The following HIP1 variants were observed in gnomAD, a reference collection of about 807,000 sequenced individuals.
The protein encoded by HIP1 is huntingtin interacting protein 1.
A neutral mutation model predicts 147.6 loss-of-function variants in HIP1; 65 were observed. The observed-to-expected ratio is 0.44, with a 90% CI of 0.36 to 0.54. The LOEUF is 0.54. HIP1 is among the 20% of genes least tolerant of loss of function. The pLI is 0.00. For synonymous variants in HIP1, 479 were observed against 504.0 expected, an observed-to-expected ratio of 0.95 and a Z score of 0.67; for missense variants, 1,061 against 1,299.6, an observed-to-expected ratio of 0.82 and a Z score of 2.82.
At chr7:75,647,230 A>AT in intron 1 of HIP1, among the ~76,000 whole-genome samples, 1 of 145,096 alleles carries the variant, frequency 6.9e-6, no homozygotes, top group South Asian at 2.2e-4. Flanking sequence ...AAAAAAAAAA[A>AT]AAAAAAAAAA....
At chr7:75,554,261 T>C in intron 20 of HIP1, 41 bp from the exon 21 acceptor site, 1 of 1,531,276 alleles carries the variant, frequency 6.5e-7, no homozygotes. Flanking sequence ...GTCTGGTTGA[T>C]GGTGACACTT....
At chr7:75,726,615 T>C (rs782196340) in intron 1 of HIP1, among the ~76,000 whole-genome samples, 2 of 151,882 alleles carry the variant, frequency 1.3e-5, no homozygotes, top group African/African-American at 2.4e-5. Flanking sequence ...TCCTTGCCAA[T>C]GCTTGGCACT....
chr7:75,669,534 C>A (rs1799673833), intron 1 of HIP1, among the ~76,000 whole-genome samples: 1 of 151,942 alleles, frequency 6.6e-6, no homozygotes, highest in Admixed American at 6.6e-5. Context: ...TGCACTCCTG[C>A]CTGGGTGATA....
At chr7:75,590,897 T>C (rs1309131635) in intron 4 of HIP1, among the ~76,000 whole-genome samples, 2 of 152,186 alleles carry the variant, frequency 1.3e-5, no homozygotes, top group Non-Finnish European at 2.9e-5. Context: ...TTTCCTCACC[T>C]ATGATAGGTA....
chr7:75,547,172 A>C, intron 24 of HIP1, 140 bp from the exon 25 acceptor site: 1 of 681,550 alleles, frequency 1.5e-6, no homozygotes, highest in Non-Finnish European at 2.6e-6. Flanking sequence ...TTGCTGGAAC[A>C]TTCTGCGGGG....
chr7:75,738,745 C>T, intron 1 of HIP1, 56 bp downstream of exon 1: 1 of 1,568,936 alleles, frequency 6.4e-7, no homozygotes, highest in Non-Finnish European at 8.6e-7. Context: ...AAGCCCCTCC[C>T]GGACACCGCG....
rs144817787 is a variant in HIP1, at chr7:75,697,824, C to G, written c.120+40977G>C. Among the ~76,000 whole-genome samples the G allele has an allele frequency of 7.5e-3, 1,147 of 152,180 alleles. 17 individuals are homozygous for G. Among genetic ancestry groups the G allele is most frequent in the African/African-American group, 0.026 (1,097 of 41,528 alleles). On this transcript the variant is annotated intron_variant, in intron 1 of 30. Coordinates refer to ENST00000336926, the MANE Select transcript of HIP1 (RefSeq NM_005338.7). Reference sequence around the variant, plus strand: ...GAGACTCCGTCTCAAAAACAAAAAACAAAAAAGTTTCAAAAAGAATCCTAT... The same window carrying G: ...GAGACTCCGTCTCAAAAACAAAAAAGAAAAAAGTTTCAAAAAGAATCCTAT...
At position 75,538,123 on chromosome 7, in the gene HIP1, G is replaced by A. The variant is rs781936563; in HGVS notation, c.*49C>T. The A allele has an allele frequency of 1.4e-5, 20 of 1,476,218 alleles. No homozygotes were observed. The highest frequency in any genetic ancestry group is 1.7e-4 in the Middle Eastern group (1 of 5,840). The allele number at this position is 1,476,218 out of a possible 1,614,324, so 91.4% of individuals were successfully genotyped here. On this transcript the variant is annotated 3_prime_UTR_variant, in exon 31 of 31. Transcript: ENST00000336926. ...CTGTGGCTGGGGAAATAACACACAC[G>A]AGATAGGTAACAAGGATTTACACTG...
At chr7:75,611,615 G>A in intron 1 of HIP1, 1 of 976,590 alleles carries the variant, frequency 1.0e-6, no homozygotes, top group Non-Finnish European at 1.2e-6. Flanking sequence ...GCCAATGCCT[G>A]GGGGCCCCTC....
chr7:75,658,550 G>T (rs1292766563), intron 1 of HIP1, among the ~76,000 whole-genome samples: 1 of 152,134 alleles, frequency 6.6e-6, no homozygotes, highest in Non-Finnish European at 1.5e-5. Flanking sequence ...AGGCACAGAG[G>T]TCGCTGGGTT....
At chr7:75,581,383 CCA>C (rs1392936902) in intron 6 of HIP1, 85 bp from the exon 7 acceptor site, 3 of 947,066 alleles carry the variant, frequency 3.2e-6, no homozygotes, top group African/African-American at 3.2e-5. Context: ...CTACGCTACT[CCA>C]GTCTCCAATG....
chr7:75,701,897 G>C (rs1255047232), intron 1 of HIP1, among the ~76,000 whole-genome samples: 1 of 151,856 alleles, frequency 6.6e-6, no homozygotes, highest in East Asian at 1.9e-4. Flanking sequence ...ACTCTGCCAG[G>C]TATGGCTGTC....
intron 1 of HIP1, among the ~76,000 whole-genome samples, chr7:75,734,458 A>G (rs1801950501): frequency 6.6e-6 from 1 of 152,004 alleles, no homozygotes; most frequent in African/African-American, 2.4e-5. Flanking sequence ...ATAAAAATAA[A>G]TAAAGTAATT....
chr7:75,539,081 T>C (rs1192740804), intron 30 of HIP1, among the ~76,000 whole-genome samples: 2 of 152,214 alleles, frequency 1.3e-5, no homozygotes, highest in African/African-American at 2.4e-5. Flanking sequence ...GAGTGAGTTA[T>C]GATCAATGTT....
intron 1 of HIP1, among the ~76,000 whole-genome samples, chr7:75,706,299 A>T (rs192879399): frequency 6.6e-6 from 1 of 151,598 alleles, no homozygotes; most frequent in Admixed American, 6.6e-5. Flanking sequence ...CCACATCCTC[A>T]CCAGTACTTG....
chr7:75,701,969 G>A (rs182976476), intron 1 of HIP1, among the ~76,000 whole-genome samples: 187 of 151,610 alleles, frequency 1.2e-3, no homozygotes, highest in African/African-American at 4.3e-3. Context: ...TCGCTCTGTC[G>A]CCCAGGCTGG....
At chr7:75,595,271 CCTTCCTTCCTTCCTTT>C (rs1563230517) in intron 2 of HIP1, among the ~76,000 whole-genome samples, 1 of 78,752 alleles carries the variant, frequency 1.3e-5, no homozygotes, top group African/African-American at 8.6e-5. Context: ...TTCCTTCCTT[CCTTCCTTCCTTCCTTT>C]CTTTCTTTCT....
intron 1 of HIP1, among the ~76,000 whole-genome samples, chr7:75,704,078 A>T (rs1800918503): frequency 6.6e-6 from 1 of 152,126 alleles, no homozygotes; most frequent in Non-Finnish European, 1.5e-5. Flanking sequence ...ACAACCATAA[A>T]ATTGTCCCAA....
intron 1 of HIP1, 57 bp downstream of exon 1, chr7:75,738,744 C>T: frequency 6.4e-7 from 1 of 1,568,592 alleles, no homozygotes; most frequent in South Asian, 1.2e-5. Flanking sequence ...AAAGCCCCTC[C>T]CGGACACCGC....
Sources: gnomAD v4.1 joint callset for allele counts (sites outside exome capture counted in the v4.1 genomes callset) on GRCh38, gnomAD v4.1.1 for gene constraint, MANE v1.5 for transcripts, NCBI Gene and HGNC (gene_info 2026-07-23, HGNC 2026-07-21) for gene names.